The following C1orf105 variants were observed in gnomAD, a reference collection of about 807,000 sequenced individuals.
C1orf105 encodes the protein uncharacterized protein C1orf105.
C1orf105 carries 17 observed loss-of-function variants against 20.8 expected under a neutral mutation model. The observed-to-expected ratio is 0.82, with a 90% confidence interval of 0.56 to 1.23. The LOEUF is 1.23. Ranked by LOEUF, C1orf105 falls within the 50% of genes most tolerant of loss-of-function variation. C1orf105 has a pLI of 0.00. For synonymous variants in C1orf105, 72 were observed against 72.1 expected (o/e 1.00, Z 0.01); for missense variants, 219 against 213.5 (o/e 1.03, Z -0.16).
intron 1 of C1orf105, among the ~76,000 whole-genome samples, chr1:172,423,078 A>G (rs2071632669): frequency 6.6e-6 from 1 of 152,210 alleles, no homozygotes; most frequent in Non-Finnish European, 1.5e-5. Context: ...AGGAAAGGAC[A>G]CAGCCTTGCT....
chr1:172,448,704 C>T (rs945653435), intron 3 of C1orf105, among the ~76,000 whole-genome samples, 173 bp downstream of exon 3: 3 of 152,044 alleles, frequency 2.0e-5, no homozygotes, highest in Non-Finnish European at 4.4e-5. Context: ...GTCTCAAGTG[C>T]CTTAGGGTCC....
At chr1:172,465,866 C>T (rs1650013637) in intron 6 of C1orf105, among the ~76,000 whole-genome samples, 2 of 152,224 alleles carry the variant, frequency 1.3e-5, no homozygotes, top group African/African-American at 4.8e-5. Flanking sequence ...AGCTCTATTT[C>T]AGGCTTCAGC....
intron 1 of C1orf105, chr1:172,441,712 GTAATGGATGTCCTAATT>G: frequency 1.3e-6 from 2 of 1,524,394 alleles, no homozygotes; most frequent in Non-Finnish European, 1.8e-6. Context: ...CTTTAATAAT[GTAATGGATGTCCTAATT>G]TAACTGAGGA....
Position 172,423,456 on chromosome 1 carries a change from C to T in C1orf105, c.21+2550C>T, listed in dbSNP as rs544814673. Reference sequence around the variant, plus strand: ...GGGGTACCCCTTAATGCTGATATGGCTGCAGTGGCCAAAAACTTAGATCAT... The same window carrying T: ...GGGGTACCCCTTAATGCTGATATGGTTGCAGTGGCCAAAAACTTAGATCAT... On this transcript the variant is annotated intron_variant, in intron 1 of 6. Transcript: ENST00000367727. 5.5e-4 allele frequency among the ~76,000 whole-genome samples: 84 copies of T among 152,292 alleles called. 1 individual carries two copies. The highest frequency in any genetic ancestry group is 2.0e-3 in the African/African-American group (83 of 41,570).
chr1:172,431,920 G>A (rs543432422), intron 1 of C1orf105, among the ~76,000 whole-genome samples: 4 of 152,352 alleles, frequency 2.6e-5, no homozygotes, highest in South Asian at 2.1e-4. Flanking sequence ...CTTAGCAACC[G>A]GCAGACAAGG....
chr1:172,445,156 A>G lies in C1orf105; in HGVS notation c.105A>G (p.Arg35=), dbSNP rs1319549929. 1 of 1,610,142 alleles carries G rather than the reference A, an allele frequency of 6.2e-7. No homozygotes were observed. The highest frequency in any genetic ancestry group is 2.2e-5 in the East Asian group (1 of 44,722). ...AGCCATTAGTGCTCAGCCTTCCCAG[A>G]AGGTAACCTCTCAGCCACCGAGGGC... The part of the protein sequence containing the change: ...VNKPLVLSLP[R]RYPHTSATFL... The change falls in exon 2 of 7, where the codon AGA becomes AGG. Residue 35 remains arginine (R), a splice_region_variant and synonymous_variant. Coordinates refer to ENST00000367727, the MANE Select transcript of C1orf105 (RefSeq NM_139240.4).
rs148171978 is a variant in C1orf105 at position 172,441,842 on chromosome 1, T to C, written c.22-3231T>C. On this transcript the variant is annotated intron_variant, in intron 1 of 6. Transcript: ENST00000367727. Reference sequence around the variant, plus strand: ...AGGTAGAATGGACACAGACATGAGATAGACATCAGCAGAAGGGCAAAGAGT... The same window carrying C: ...AGGTAGAATGGACACAGACATGAGACAGACATCAGCAGAAGGGCAAAGAGT... 115 of 1,614,058 alleles carry C rather than the reference T, an allele frequency of 7.1e-5. 1 individual carries two copies. The highest frequency in any genetic ancestry group is 2.2e-4 in the South Asian group (20 of 91,068).
At chr1:172,465,412 A>C in intron 6 of C1orf105, 49 bp downstream of exon 6, 1 of 1,298,894 alleles carries the variant, frequency 7.7e-7, no homozygotes, top group Non-Finnish European at 1.1e-6. Flanking sequence ...CTAGAAAAAA[A>C]TGCCATAGAA....
chr1:172,450,130 G>A lies in C1orf105; in HGVS notation c.198+1599G>A, dbSNP rs762332768. Among the ~76,000 whole-genome samples the A allele has an allele frequency of 7.2e-5, 11 of 152,200 alleles. 1 individual carries two copies. The highest frequency in any genetic ancestry group is 3.2e-3 in the Middle Eastern group (1 of 316). ...GTTAAGAGCAACAGCTTCCAGCTGCGCAGCCCAAAGGGCTCCTGGGAGGCC... is the reference window on the plus strand; with the variant it reads ...GTTAAGAGCAACAGCTTCCAGCTGCACAGCCCAAAGGGCTCCTGGGAGGCC... On this transcript the variant is annotated intron_variant, in intron 3 of 6. Coordinates refer to ENST00000367727, the MANE Select transcript of C1orf105 (RefSeq NM_139240.4).
At chr1:172,462,544 A>G (rs1391655068) in intron 5 of C1orf105, among the ~76,000 whole-genome samples, 1 of 152,224 alleles carries the variant, frequency 6.6e-6, no homozygotes, top group East Asian at 1.9e-4. Context: ...AACTAAATAC[A>G]AATTCTCCAT....
chr1:172,440,611 T>C (rs1445976735), intron 1 of C1orf105, among the ~76,000 whole-genome samples: 2 of 152,162 alleles, frequency 1.3e-5, no homozygotes, highest in African/African-American at 4.8e-5. Context: ...CTCAAATTGC[T>C]ACTCAACCTC....
chr1:172,456,955 G>C (rs1213860777), intron 4 of C1orf105, among the ~76,000 whole-genome samples: 1 of 152,198 alleles, frequency 6.6e-6, no homozygotes, highest in African/African-American at 2.4e-5. Context: ...GTACTTTCTA[G>C]GTAGTCAGGG....
chr1:172,436,770 A>C (rs897643957), intron 1 of C1orf105, among the ~76,000 whole-genome samples: 1 of 152,264 alleles, frequency 6.6e-6, no homozygotes, highest in African/African-American at 2.4e-5. Flanking sequence ...GAGCTTCTGC[A>C]TGGCAAAAGA....
rs1353941192 is a variant in C1orf105, at chr1:172,453,267, C to T, written c.199-3148C>T. The T allele has an allele frequency of 4.9e-6, 7 of 1,442,420 alleles. No individual in the cohort carries two copies. In the Admixed American group the frequency reaches 1.6e-4, roughly 33 times the overall value. The allele number at this position is 1,442,420 out of a possible 1,614,324, so 89.4% of individuals were successfully genotyped here. A position where few individuals can be genotyped will look rare whatever the true frequency, so the allele number is the denominator to read the frequency against. On this transcript the variant is annotated intron_variant, in intron 3 of 6. Transcript: ENST00000367727. ...AAAGGGACAGGATTAGAGCATCCGC[C>T]TCTGTCTTTTTGAACACAAAGACCA...
At chr1:172,456,596 A>C in intron 4 of C1orf105, 107 bp downstream of exon 4, 1 of 1,073,370 alleles carries the variant, frequency 9.3e-7, no homozygotes, top group Non-Finnish European at 1.4e-6. Flanking sequence ...CGTTGCAAGG[A>C]GGGCCTAGAT....
Position 172,462,111 on chromosome 1 carries a change from G to A in C1orf105, c.274-67G>A, listed in dbSNP as rs1303884964. The A allele has an allele frequency of 1.5e-5, 17 of 1,146,126 alleles. No individual in the cohort carries two copies. In the East Asian group the frequency reaches 2.4e-4, roughly 16 times the overall value. 71.0% of individuals were successfully genotyped at this position (1,146,126 alleles called of 1,614,324 possible). On this transcript the variant is annotated intron_variant, in intron 4 of 6. Coordinates refer to ENST00000367727, the MANE Select transcript of C1orf105 (RefSeq NM_139240.4). ...AAATACAACACAAATTCACTAAAGT[G>A]GTACATTATTTATTTAAATCAAAAT...
At chr1:172,429,732 T>G (rs754718838) in intron 1 of C1orf105, among the ~76,000 whole-genome samples, 3 of 152,144 alleles carry the variant, frequency 2.0e-5, no homozygotes, top group African/African-American at 4.8e-5. Flanking sequence ...CAATACAATC[T>G]CCACACAGAA....
At chr1:172,450,374 T>C (rs1462336466) in intron 3 of C1orf105, among the ~76,000 whole-genome samples, 2 of 152,214 alleles carry the variant, frequency 1.3e-5, no homozygotes, top group African/African-American at 4.8e-5. Context: ...TCATATTCTT[T>C]CCCGTCACAC....
In C1orf105 at chr1:172,428,450, C is replaced by G. The variant is rs182109084; in HGVS notation, c.21+7544C>G. Among the ~76,000 whole-genome samples, 35 of 152,318 alleles carry G rather than the reference C, an allele frequency of 2.3e-4. 1 individual carries two copies. In the East Asian group the frequency reaches 5.0e-3, roughly 22 times the overall value. On this transcript the variant is annotated intron_variant, in intron 1 of 6. Coordinates refer to ENST00000367727, the MANE Select transcript of C1orf105 (RefSeq NM_139240.4). The stretch of plus-strand genomic sequence containing the variant: ...GCTTCCCACGTTACCTCTACGACTT[C>G]GTCTTCTGTTGCTCACTCCACTTCA...
Sources: allele counts gnomAD v4.1 joint callset (sites outside exome capture counted in the v4.1 genomes callset), GRCh38; gene constraint gnomAD v4.1.1; transcripts MANE v1.5; gene names NCBI Gene and HGNC (gene_info 2026-07-23, HGNC 2026-07-21).